Variants in TRIP4 observed in about 807,000 individuals in gnomAD.
TRIP4 encodes the protein activating signal cointegrator 1.
Under a neutral mutation model 81.8 loss-of-function variants are expected in TRIP4, and 54 were observed. That is an observed-to-expected ratio of 0.66 (90% CI 0.53 to 0.83). TRIP4 has a LOEUF of 0.83. Among genes scored for constraint, TRIP4 ranks in the 40% least tolerant of loss-of-function variants. The pLI is 0.00. For synonymous variants in TRIP4, 270 were observed against 242.8 expected, an observed-to-expected ratio of 1.11 and a Z score of -1.04; for missense variants, 662 against 683.6, an observed-to-expected ratio of 0.97 and a Z score of 0.35.
chr15:64,440,395 G>A (rs1469465117), intron 11 of TRIP4, among the ~76,000 whole-genome samples: 2 of 151,196 alleles, frequency 1.3e-5, no homozygotes, highest in East Asian at 3.9e-4. Flanking sequence ...TAAGTATATA[G>A]TGGCTTGTTA....
At chr15:64,445,220 T>TG in intron 12 of TRIP4, 112 bp downstream of exon 12, 6 of 568,052 alleles carry the variant, frequency 1.1e-5, no homozygotes, top group Non-Finnish European at 1.9e-5. Context: ...TCAGTTGAGG[T>TG]AACCCACTAC....
At chr15:64,424,260 A>T in intron 10 of TRIP4, 105 bp downstream of exon 10, 1 of 1,485,622 alleles carries the variant, frequency 6.7e-7, no homozygotes, top group Non-Finnish European at 9.2e-7. Context: ...TTGTTAAAAG[A>T]GACTTTTAAT....
At chr15:64,441,054 T>C (rs999362698) in intron 11 of TRIP4, among the ~76,000 whole-genome samples, 4 of 151,796 alleles carry the variant, frequency 2.6e-5, no homozygotes, top group African/African-American at 9.7e-5. Flanking sequence ...TGGAGTGCAG[T>C]GGTGCGATCT....
chr15:64,439,798 A>G (rs1596360106), intron 11 of TRIP4, among the ~76,000 whole-genome samples: 1 of 152,048 alleles, frequency 6.6e-6, no homozygotes, highest in Non-Finnish European at 1.5e-5. Flanking sequence ...TGCTAGGATT[A>G]CAGGCATGAG....
chr15:64,423,918 C>A, intron 9 of TRIP4, 113 bp from the exon 10 acceptor site: 1 of 1,310,314 alleles, frequency 7.6e-7, no homozygotes, highest in Non-Finnish European at 1.1e-6. Flanking sequence ...AAGGCATCAT[C>A]TATAGACCTC....
intron 1 of TRIP4, among the ~76,000 whole-genome samples, chr15:64,390,355 G>A (rs1202960152): frequency 1.3e-5 from 2 of 150,816 alleles, no homozygotes; most frequent in African/African-American, 2.4e-5. Flanking sequence ...TCAGTTACTC[G>A]GAAGGCTGAG....
At position 64,410,024 on chromosome 15, in the gene TRIP4, G is replaced by GT. The variant is rs200868565; in HGVS notation, c.1043+215dup. ...GATAATTACTGATTTTTGTGGTTTG[G>GT]TTTTTTTTTTTTTTTTTTTGAGATG... On this transcript the variant is annotated intron_variant, in intron 7 of 12. Transcript: ENST00000261884. 0.027 allele frequency among the ~76,000 whole-genome samples: 3,558 copies of GT among 133,866 alleles called. 63 individuals carry two copies. Among genetic ancestry groups the GT allele is most frequent in the Non-Finnish European group, 0.031 (1,902 of 61,520 alleles). 87.8% of individuals were successfully genotyped at this position (133,866 alleles called of 152,430 possible).
intron 12 of TRIP4, chr15:64,450,654 AT>A (rs1036857108): frequency 1.1e-5 from 5 of 455,330 alleles, no homozygotes; most frequent in Admixed American, 2.4e-5. Flanking sequence ...CAAATGTCTG[AT>A]TTTTTTTAGG....
rs139876443 is a variant in TRIP4, at chr15:64,447,397, A to G, written c.1678+2289A>G. 8.7e-3 allele frequency among the ~76,000 whole-genome samples: 1,324 copies of G among 152,338 alleles called. 18 individuals carry two copies. The highest frequency in any genetic ancestry group is 0.027 in the Middle Eastern group (8 of 294). ...GTACTTCTCAAACTATAATGTAACT[A>G]AAAATCACCTAGCAAGCTGTTAAAA... On this transcript the variant is annotated intron_variant, in intron 12 of 12. Transcript: ENST00000261884.
chr15:64,438,443 C>G (rs1453392605), intron 11 of TRIP4, among the ~76,000 whole-genome samples: 1 of 152,214 alleles, frequency 6.6e-6, no homozygotes, highest in Non-Finnish European at 1.5e-5. Context: ...CCTCAGCCTC[C>G]CAAGTAGCTG....
intron 5 of TRIP4, among the ~76,000 whole-genome samples, chr15:64,405,918 A>T (rs1394627587): frequency 6.6e-6 from 1 of 152,178 alleles, no homozygotes; most frequent in Non-Finnish European, 1.5e-5. Flanking sequence ...CCTGAGCCTA[A>T]GAGTTTGAGA....
intron 4 of TRIP4, among the ~76,000 whole-genome samples, chr15:64,399,938 G>C (rs192067785): frequency 1.3e-5 from 2 of 148,398 alleles, no homozygotes; most frequent in Admixed American, 6.7e-5. Context: ...TGGTGCCACC[G>C]CACTCCAGTC....
At chr15:64,446,901 G>C (rs182793375) in intron 12 of TRIP4, among the ~76,000 whole-genome samples, 1 of 151,496 alleles carries the variant, frequency 6.6e-6, no homozygotes, top group Non-Finnish European at 1.5e-5. Context: ...TCAGGAGATC[G>C]AGACTACCCT....
chr15:64,392,345 T>A (rs1446986630), intron 1 of TRIP4, among the ~76,000 whole-genome samples: 1 of 152,092 alleles, frequency 6.6e-6, no homozygotes, highest in African/African-American at 2.4e-5. Flanking sequence ...TGGGATTCCT[T>A]ACAGTTTTGC....
intron 11 of TRIP4, among the ~76,000 whole-genome samples, chr15:64,430,986 T>TA (rs953434271): frequency 1.8e-4 from 27 of 148,478 alleles, no homozygotes; most frequent in East Asian, 3.9e-4. Context: ...TTTAAAACTT[T>TA]AAAAAAAAAA....
intron 11 of TRIP4, among the ~76,000 whole-genome samples, chr15:64,429,171 G>A (rs1892215503): frequency 6.6e-6 from 1 of 151,922 alleles, no homozygotes; most frequent in African/African-American, 2.4e-5. Flanking sequence ...ACAAAAATTA[G>A]CCAGGCGTGG....
At chr15:64,398,939 C>CTTTTTTTTTTTTTTTT in intron 4 of TRIP4, among the ~76,000 whole-genome samples, 1 of 79,256 alleles carries the variant, frequency 1.3e-5, no homozygotes, top group Non-Finnish European at 2.4e-5. Context: ...TTCTTTTTTC[C>CTTTTTTTTTTTTTTTT]TTTTTTTTTT....
At chr15:64,433,195 A>G (rs1183033069) in intron 11 of TRIP4, among the ~76,000 whole-genome samples, 1 of 152,230 alleles carries the variant, frequency 6.6e-6, no homozygotes, top group Non-Finnish European at 1.5e-5. Flanking sequence ...ATTTAAAAAG[A>G]TGGTTTTGAA....
At chr15:64,422,661 C>T (rs551709972) in intron 9 of TRIP4, among the ~76,000 whole-genome samples, 1 of 152,298 alleles carries the variant, frequency 6.6e-6, no homozygotes, top group East Asian at 1.9e-4. Context: ...TTGCCTTCTG[C>T]TAAGGGAATC....
Sources: gnomAD v4.1 joint callset for allele counts (sites outside exome capture counted in the v4.1 genomes callset) on GRCh38, gnomAD v4.1.1 for gene constraint, MANE v1.5 for transcripts, NCBI Gene and HGNC (gene_info 2026-07-23, HGNC 2026-07-21) for gene names.